XPO6: variants seen among roughly 807,000 people sequenced by gnomAD.
The protein encoded by XPO6 is exportin-6.
XPO6 carries 3 observed loss-of-function variants against 130.0 expected under a neutral mutation model. The observed-to-expected ratio is 0.02, with a 90% CI of 0.01 to 0.06. The LOEUF is 0.06. XPO6 is among the 10% of genes least tolerant of loss of function. The probability of loss-of-function intolerance (pLI) is 1.00; values close to 1 mark genes in which losing one functional copy is unlikely to be tolerated. For synonymous variants in XPO6, 524 were observed against 548.9 expected (o/e 0.95, Z 0.63); for missense variants, 970 against 1,393.0 (o/e 0.70, Z 4.83).
intron 7 of XPO6, chr16:28,153,088 A>G: frequency 9.5e-7 from 1 of 1,049,984 alleles, no homozygotes; most frequent in Non-Finnish European, 1.1e-6. Context: ...AAGGGAAATG[A>G]TAAAAAGTTG....
intron 23 of XPO6, among the ~76,000 whole-genome samples, chr16:28,099,249 G>A (rs2086601200): frequency 6.6e-6 from 1 of 152,204 alleles, no homozygotes; most frequent in Admixed American, 6.5e-5. Context: ...TGGGCCAGAA[G>A]TGAGGCCCTG....
At chr16:28,104,419 TAAC>T in intron 21 of XPO6, 124 bp downstream of exon 21, 4 of 1,203,520 alleles carry the variant, frequency 3.3e-6, no homozygotes, top group Non-Finnish European at 4.6e-6. Flanking sequence ...AGAAATTAAT[TAAC>T]TTCATCAATA....
chr16:28,108,672 A>G (rs896563388), intron 17 of XPO6, among the ~76,000 whole-genome samples: 4 of 152,186 alleles, frequency 2.6e-5, no homozygotes, highest in Non-Finnish European at 4.4e-5. Context: ...CGACCACCAG[A>G]GGCTGAGCCA....
chr16:28,191,716 C>T (rs190312826), intron 1 of XPO6, among the ~76,000 whole-genome samples: 1 of 152,288 alleles, frequency 6.6e-6, no homozygotes, highest in East Asian at 1.9e-4. Flanking sequence ...AGGAGTTCTG[C>T]TCCAAGGGTT....
Position 28,152,698 on chromosome 16 carries a change from C to T in XPO6, c.1185G>A (p.Val395=). The change falls in exon 8 of 24, where the codon GTG becomes GTA. Residue 395 remains valine (V), a synonymous_variant. Transcript: ENST00000304658. ...RIESYSQFPV[V]EFLTLLFKYT... The stretch of plus-strand genomic sequence containing the variant: ...ACTTGAACAAAAGTGTCAAAAACTC[C>T]ACCACAGGGAACTGGGAGTAAGACT... The T allele has an allele frequency of 6.2e-7, 1 of 1,613,060 alleles. No homozygotes were observed. Among genetic ancestry groups the T allele is most frequent in the South Asian group, 1.1e-5 (1 of 90,868 alleles).
chr16:28,192,870 T>C (rs1211659843), intron 1 of XPO6, among the ~76,000 whole-genome samples: 1 of 152,124 alleles, frequency 6.6e-6, no homozygotes, highest in African/African-American at 2.4e-5. Context: ...TTTTCTCTAA[T>C]GGGAAACAGT....
chr16:28,099,852 T>C (rs887240654), intron 23 of XPO6, among the ~76,000 whole-genome samples: 29 of 152,204 alleles, frequency 1.9e-4, no homozygotes, highest in African/African-American at 7.0e-4. Flanking sequence ...GGTGATTCTT[T>C]TATTTTACCC....
chr16:28,202,859 A>G (rs935116381), intron 1 of XPO6, among the ~76,000 whole-genome samples: 1 of 152,210 alleles, frequency 6.6e-6, no homozygotes, highest in Non-Finnish European at 1.5e-5. Flanking sequence ...TCAAGAAAAG[A>G]AAAGGAGATC....
At chr16:28,163,497 CT>C (rs1024017376) in intron 6 of XPO6, among the ~76,000 whole-genome samples, 1 of 152,306 alleles carries the variant, frequency 6.6e-6, no homozygotes, top group East Asian at 1.9e-4. Context: ...ATTCTGTGCA[CT>C]TTTTTCCCCA....
At chr16:28,141,771 T>G (rs2042897862) in intron 9 of XPO6, among the ~76,000 whole-genome samples, 1 of 152,130 alleles carries the variant, frequency 6.6e-6, no homozygotes, top group Non-Finnish European at 1.5e-5. Flanking sequence ...CCACCCTGGC[T>G]AACACGGTGA....
chr16:28,166,574 T>G lies in XPO6; in HGVS notation c.577A>C (p.Thr193Pro), dbSNP rs2043359214. ...VLGLLTGILETVWDKHSVTAA... is the reference protein window; with the variant it reads ...VLGLLTGILEPVWDKHSVTAA... ...GTAACACTGTGTTTGTCCCAGACAG[T>G]CTCCAAGATACCTACCAAGAAAGGA... The change falls in exon 6 of 24, where the codon ACT (threonine) becomes CCT (proline). Residue 193 changes from threonine (T) to proline (P), a missense_variant. By Grantham distance (38) the Thr-to-Pro change is conservative. This residue lies in a region of XPO6 where 936 missense variants were observed against 1,306.8 expected (regional missense o/e 0.72). Transcript: ENST00000304658. 7 of 1,585,980 alleles carry G rather than the reference T, an allele frequency of 4.4e-6. No individual in the cohort carries two copies. Among genetic ancestry groups the G allele is most frequent in the South Asian group, 2.3e-5 (2 of 87,168 alleles).
chr16:28,190,208 C>A (rs2043763194), intron 1 of XPO6, among the ~76,000 whole-genome samples: 1 of 150,640 alleles, frequency 6.6e-6, no homozygotes, highest in African/African-American at 2.5e-5. Context: ...GAGAGGTGCA[C>A]CAGTTTCTTT....
chr16:28,105,744 T>C, intron 20 of XPO6: 1 of 321,948 alleles, frequency 3.1e-6, no homozygotes. Context: ...TATGTTAGAA[T>C]GTTTGCTATA....
intron 1 of XPO6, among the ~76,000 whole-genome samples, chr16:28,202,641 C>G (rs1414191835): frequency 6.6e-6 from 1 of 152,052 alleles, no homozygotes; most frequent in African/African-American, 2.4e-5. Flanking sequence ...ATTAACAGAA[C>G]CAGGGCAAGA....
At chr16:28,115,209 CAGA>C (rs1173187936) in intron 15 of XPO6, among the ~76,000 whole-genome samples, 2 of 152,172 alleles carry the variant, frequency 1.3e-5, no homozygotes, top group East Asian at 1.9e-4. Flanking sequence ...GAATCCTTCC[CAGA>C]AGGTTTTCAG....
intron 1 of XPO6, among the ~76,000 whole-genome samples, chr16:28,198,448 C>CAGCACCTACTTTAATTGTCT (rs1397670279): frequency 6.6e-6 from 1 of 151,988 alleles, no homozygotes; most frequent in African/African-American, 2.4e-5. Flanking sequence ...ACAGTAGCAT[C>CAGCACCTACTTTAATTGTCT]AGCACCTACT....
intron 8 of XPO6, among the ~76,000 whole-genome samples, chr16:28,147,819 C>T (rs373045055): frequency 3.3e-5 from 5 of 152,156 alleles, no homozygotes; most frequent in Non-Finnish European, 7.4e-5. Context: ...TGGCGATGCA[C>T]GCCTGTGATC....
chr16:28,146,831 G>A (rs917611614), intron 8 of XPO6, among the ~76,000 whole-genome samples: 1 of 152,188 alleles, frequency 6.6e-6, no homozygotes, highest in Non-Finnish European at 1.5e-5. Flanking sequence ...TGCTGATGTG[G>A]AGGAACAAAG....
chr16:28,112,336 CCT>C (rs1393735066), intron 16 of XPO6, among the ~76,000 whole-genome samples: 3 of 152,180 alleles, frequency 2.0e-5, no homozygotes, highest in Admixed American at 2.0e-4. Flanking sequence ...GCTTCTGAGT[CCT>C]CTGAGAAGCT....
Sources: gnomAD v4.1 joint callset for allele counts (sites outside exome capture counted in the v4.1 genomes callset) on GRCh38, gnomAD v4.1.1 for gene constraint, gnomAD v4.1.1 regional missense constraint, MANE v1.5 for transcripts, NCBI Gene and HGNC (gene_info 2026-07-23, HGNC 2026-07-21) for gene names.